The following CFAP46 variants were observed in gnomAD, a reference collection of about 807,000 sequenced individuals.
The protein encoded by CFAP46 is cilia- and flagella-associated protein 46.
Under a neutral mutation model 325.7 loss-of-function variants are expected in CFAP46, and 245 were observed. The observed-to-expected ratio is 0.75, with a 90% CI of 0.68 to 0.84. CFAP46 has a LOEUF of 0.84. Ranked by LOEUF, CFAP46 falls within the 40% of genes least tolerant of loss-of-function variation. The pLI is 0.00. For missense variants in CFAP46, 3,346 were observed against 3,543.0 expected (o/e 0.94, Z 1.41); for synonymous variants, 1,523 against 1,495.9 (o/e 1.02, Z -0.42).
chr10:132,901,267 G>A (rs189607606), intron 22 of CFAP46, among the ~76,000 whole-genome samples: 81 of 152,308 alleles, frequency 5.3e-4, no homozygotes, highest in South Asian at 2.9e-3. Context: ...GTGTTGGTTC[G>A]TTTACGTTTA....
chr10:132,934,627 C>A, intron 8 of CFAP46, 125 bp downstream of exon 8: 1 of 660,388 alleles, frequency 1.5e-6, no homozygotes, highest in South Asian at 1.8e-5. Flanking sequence ...AAAACCTCCA[C>A]AATGGCTGGC....
chr10:132,941,280 C>A (rs1850096770), intron 3 of CFAP46, among the ~76,000 whole-genome samples: 1 of 152,320 alleles, frequency 6.6e-6, no homozygotes, highest in East Asian at 1.9e-4. Flanking sequence ...GCAGCAGAAA[C>A]CGCAGTGCCT....
rs1239790844 is a variant in CFAP46, at chr10:132,879,515, T to G, written c.3916A>C (p.Ile1306Leu). 4.4e-5 allele frequency: 68 copies of G among 1,547,212 alleles called. No individual in the cohort carries two copies. The highest frequency in any genetic ancestry group is 5.8e-5 in the Non-Finnish European group (67 of 1,145,984). ...RQLEALARVH[I>L]LLALVLSPGA... is the part of the protein sequence containing the mutation. ...GGCGACAGCACCAGGGCCAGCAGGA[T>G]GTGCACGCGGGCCAGCGCCTCCAGC... Residue 1306 changes from isoleucine (I) to leucine (L), a missense_variant, in exon 29 of 58, where the codon ATC becomes CTC. Coordinates refer to ENST00000368586, the MANE Select transcript of CFAP46 (RefSeq NM_001200049.3).
At position 132,827,180 on chromosome 10, in the gene CFAP46, G is replaced by T. The variant is rs1848071462; in HGVS notation, c.7117+6178C>A. 1.3e-5 allele frequency among the ~76,000 whole-genome samples: 2 copies of T among 152,086 alleles called. No homozygotes were observed. The highest frequency in any genetic ancestry group is 2.4e-5 in the African/African-American group (1 of 41,424). ...ACTGAGCCACCCTCCTGCCATGCAG[G>T]GCAGACACAACCCCACACGGTGCTC... On this transcript the variant is annotated intron_variant, in intron 50 of 57. Transcript: ENST00000368586. The surrounding 1 kb of genome is among the most constrained non-coding windows in gnomAD (Gnocchi z 5.7).
rs370729135 is a variant in CFAP46, at chr10:132,810,361, C to T, written c.7664+48G>A. On this transcript the variant is annotated intron_variant, in intron 57 of 57. Coordinates refer to ENST00000368586, the MANE Select transcript of CFAP46 (RefSeq NM_001200049.3). Reference sequence around the variant, plus strand: ...AGTGCACGTGCCCCATGGGCAGTGGCTGCAGAGGGTGCTGAAGGCCGCGGG... The same window carrying T: ...AGTGCACGTGCCCCATGGGCAGTGGTTGCAGAGGGTGCTGAAGGCCGCGGG... 3.9e-6 allele frequency: 6 copies of T among 1,538,686 alleles called. No individual in the cohort carries two copies. The African/African-American group carries it at 8.2e-5, about 21-fold the overall frequency.
At chr10:132,809,676 G>C (rs1335310742) in intron 57 of CFAP46, among the ~76,000 whole-genome samples, 1 of 152,130 alleles carries the variant, frequency 6.6e-6, no homozygotes, top group African/African-American at 2.4e-5. Context: ...CTCCTCTGTG[G>C]CTCCTCCCCG....
chr10:132,864,150 G>A (rs1019468539), intron 35 of CFAP46, among the ~76,000 whole-genome samples: 2 of 134,836 alleles, frequency 1.5e-5, no homozygotes, highest in East Asian at 2.3e-4. Flanking sequence ...CCCCCTGCCT[G>A]AGACCTGCAC....
At chr10:132,821,272 C>CTGTGTGT (rs1362099277) in intron 50 of CFAP46, among the ~76,000 whole-genome samples, 1 of 114,864 alleles carries the variant, frequency 8.7e-6, no homozygotes, top group Non-Finnish European at 1.7e-5. Context: ...CTGATGTGTG[C>CTGTGTGT]TGTGTGAGTG....
chr10:132,932,251 T>TCCTCCTCCCCACACAGAGCCTGGGCCTC (rs1849921137), intron 8 of CFAP46, among the ~76,000 whole-genome samples: 37 of 113,756 alleles, frequency 3.3e-4, no homozygotes, highest in African/African-American at 9.3e-4. Context: ...GCCTGGGCCT[T>TCCTCCTCCCCACACAGAGCCTGGGCCTC]CCTCCTCCCC....
At chr10:132,870,193 G>C (rs1848877065) in intron 32 of CFAP46, among the ~76,000 whole-genome samples, 1 of 152,156 alleles carries the variant, frequency 6.6e-6, no homozygotes, top group Non-Finnish European at 1.5e-5. Context: ...GGTGAACTGA[G>C]TCGATAAATG....
In CFAP46 at chr10:132,884,125, C is replaced by T. The variant is rs1849086763; in HGVS notation, c.3627+978G>A. On this transcript the variant is annotated intron_variant, in intron 27 of 57. Transcript: ENST00000368586. This position sits in a 1 kb window ranked among gnomAD's most constrained non-coding sequence, Gnocchi z 5.4. Reference sequence around the variant, plus strand: ...GCCTTCCCCAGCCGCCCGCAGCCTCCCCTCCTCAGGCCCTTCCTGCTTTCC... The same window carrying T: ...GCCTTCCCCAGCCGCCCGCAGCCTCTCCTCCTCAGGCCCTTCCTGCTTTCC... Among the ~76,000 whole-genome samples, 1 of 152,226 alleles carries T rather than the reference C, an allele frequency of 6.6e-6. No homozygotes were observed. Among genetic ancestry groups the T allele is most frequent in the South Asian group, 2.1e-4 (1 of 4,834 alleles).
chr10:132,808,515 C>T lies in CFAP46; in HGVS notation c.8054G>A (p.Arg2685Gln), dbSNP rs150906559. The T allele has an allele frequency of 1.5e-4, 241 of 1,613,042 alleles. No homozygotes were observed. The highest frequency in any genetic ancestry group is 2.1e-4 in the African/African-American group (16 of 74,928). The change falls in exon 58 of 58, where the codon CGG becomes CAG. Residue 2685 changes from arginine to glutamine, a missense_variant. By Grantham distance (43) the Arg-to-Gln change is conservative. Coordinates refer to ENST00000368586, the MANE Select transcript of CFAP46 (RefSeq NM_001200049.3). This position sits in a 1 kb window ranked among gnomAD's most constrained non-coding sequence, Gnocchi z 6.8. ...LRRGWSCVSS[R>Q]GQDKGGLPLA... ...GGGGAGGCCGCCCTTGTCCTGGCCC[C>T]GGGAAGAGACGCAGCTCCAGCCCCG...
At position 132,808,910 on chromosome 10, in the gene CFAP46, G is replaced by A. The variant is rs1257722529; in HGVS notation, c.7665-6C>T. 1.9e-6 allele frequency: 3 copies of A among 1,570,440 alleles called. No individual in the cohort carries two copies. The highest frequency in any genetic ancestry group is 1.4e-5 in the African/African-American group (1 of 74,020). On this transcript the variant is annotated splice_polypyrimidine_tract_variant and splice_region_variant and intron_variant, in intron 57 of 57. Coordinates refer to ENST00000368586, the MANE Select transcript of CFAP46 (RefSeq NM_001200049.3). The surrounding 1 kb of genome is among the most constrained non-coding windows in gnomAD (Gnocchi z 6.8). ...CAAGGTCTGAGAAGCCTCGTCTGTG[G>A]AGAAAGGGGCGGGAGCTATGAACCC... is the stretch of plus-strand genomic sequence containing the variant.
chr10:132,919,442 C>G lies in CFAP46; in HGVS notation c.1731G>C (p.Arg577Ser). 1.3e-6 allele frequency: 2 copies of G among 1,547,268 alleles called. No individual in the cohort carries two copies. Among genetic ancestry groups the G allele is most frequent in the Non-Finnish European group, 1.7e-6 (2 of 1,145,988 alleles). The change falls in exon 15 of 58, where the codon AGG becomes AGC. Residue 577 changes from arginine to serine, a missense_variant and splice_region_variant. Arg to Ser is a moderately radical substitution (Grantham distance 110). Transcript: ENST00000368586. The surrounding 1 kb of genome is among the most constrained non-coding windows in gnomAD (Gnocchi z 9.7). ...TGGCCAGCTCTGCCCAAATCTGTAT[C>G]CTGCTCACCGAGAACCCAAACGAGT... Reference protein sequence around the residue: ...RRLGNENDKERIQIWAELAKV... With the variant: ...RRLGNENDKESIQIWAELAKV...
intron 39 of CFAP46, among the ~76,000 whole-genome samples, chr10:132,852,887 T>C (rs546061346): frequency 6.6e-6 from 1 of 152,378 alleles, no homozygotes; most frequent in East Asian, 1.9e-4. Flanking sequence ...ACAACTGATA[T>C]CTGCATATTG....
At chr10:132,814,783 C>T in intron 51 of CFAP46, 37 bp from the exon 52 acceptor site, 1 of 1,613,590 alleles carries the variant, frequency 6.2e-7, no homozygotes, top group Non-Finnish European at 8.5e-7. Flanking sequence ...GTGCAGGGGC[C>T]AGGAGCCTGA....
chr10:132,893,823 C>T (rs1849285741), intron 24 of CFAP46, among the ~76,000 whole-genome samples: 1 of 152,258 alleles, frequency 6.6e-6, no homozygotes, highest in Non-Finnish European at 1.5e-5. Context: ...TTATGCTCCT[C>T]AGTTGAAGTC....
chr10:132,858,335 G>GCGGCCCCAGGT (rs1329635967), intron 38 of CFAP46, among the ~76,000 whole-genome samples: 17 of 133,670 alleles, frequency 1.3e-4, no homozygotes, highest in East Asian at 1.1e-3. Context: ...TTTGCTGGGG[G>GCGGCCCCAGGT]TGGCCCCAGG....
At chr10:132,887,700 CCT>C (rs1367278069) in intron 25 of CFAP46, among the ~76,000 whole-genome samples, 30 of 120,414 alleles carry the variant, frequency 2.5e-4, no homozygotes, top group African/African-American at 6.2e-4. Flanking sequence ...TCTCTCCTCT[CCT>C]CTCTCTCTCC....
Sources: allele counts gnomAD v4.1 joint callset (sites outside exome capture counted in the v4.1 genomes callset), GRCh38; gene constraint gnomAD v4.1.1; non-coding constraint Gnocchi (gnomAD v3.1); transcripts MANE v1.5; gene names NCBI Gene and HGNC (gene_info 2026-07-23, HGNC 2026-07-21).